GON4L: variants seen among roughly 807,000 people sequenced by gnomAD.
GON4L encodes gon-4 like.
GON4L carries 87 observed loss-of-function variants against 211.8 expected under a neutral mutation model. That is an observed-to-expected ratio of 0.41 (90% CI 0.35 to 0.49). The LOEUF (loss-of-function observed/expected upper bound fraction) is 0.49. GON4L is among the 20% of genes least tolerant of loss of function. The pLI, the probability that GON4L is intolerant of heterozygous loss-of-function variation, is 0.15. For synonymous variants in GON4L, 875 were observed against 962.6 expected (o/e 0.91, Z 1.68); for missense variants, 2,155 against 2,659.5 (o/e 0.81, Z 4.17).
At chr1:155,777,318 C>T (rs1377954610) in intron 15 of GON4L, among the ~76,000 whole-genome samples, 4 of 152,166 alleles carry the variant, frequency 2.6e-5, no homozygotes, top group African/African-American at 7.2e-5. Context: ...CAGTGGCTCA[C>T]GCCTGTAATC....
chr1:155,796,396 G>A (rs1250185386), intron 11 of GON4L, among the ~76,000 whole-genome samples: 1 of 151,518 alleles, frequency 6.6e-6, no homozygotes, highest in Non-Finnish European at 1.5e-5. Context: ...TCCTGCCTCA[G>A]CCTACCAAGT....
intron 10 of GON4L, among the ~76,000 whole-genome samples, chr1:155,808,691 A>T (rs1456482154): frequency 6.6e-6 from 1 of 151,860 alleles, no homozygotes; most frequent in African/African-American, 2.4e-5. Flanking sequence ...CTGTAGCATG[A>T]TCACAGCTCA....
chr1:155,827,165 T>C (rs1669288959), intron 2 of GON4L, 137 bp from the exon 3 acceptor site: 1 of 706,382 alleles, frequency 1.4e-6, no homozygotes, highest in Non-Finnish European at 2.5e-6. Flanking sequence ...AATTTTCCTC[T>C]CTTAAATCAA....
chr1:155,814,031 A>G (rs1201123729), intron 9 of GON4L, among the ~76,000 whole-genome samples: 2 of 152,228 alleles, frequency 1.3e-5, no homozygotes, highest in African/African-American at 4.8e-5. Context: ...GTTTACCAAA[A>G]TGTGGGAAAT....
At chr1:155,749,432 G>A (rs1182522978), downstream of GON4L, 57 of 1,591,944 alleles carry the variant, frequency 3.6e-5, no homozygotes, top group Non-Finnish European at 4.8e-5. Flanking sequence ...GAGTCATGAG[G>A]TCAGTGTAAC....
chr1:155,852,266 C>T (rs1260244327), intron 2 of GON4L, among the ~76,000 whole-genome samples: 1 of 151,896 alleles, frequency 6.6e-6, no homozygotes, highest in Non-Finnish European at 1.5e-5. Flanking sequence ...TGTTCTTGGC[C>T]TATGTGCCCA....
intron 1 of GON4L, among the ~76,000 whole-genome samples, chr1:155,856,312 C>T (rs115019830): frequency 0.011 from 1,723 of 152,236 alleles, 31 homozygotes; most frequent in African/African-American, 0.04. Context: ...ACTGCAGCCT[C>T]AGACTCCTGG....
chr1:155,752,165 T>C lies in GON4L; in HGVS notation c.6268A>G (p.Arg2090Gly), dbSNP rs751768922. The C allele has an allele frequency of 3.1e-6, 5 of 1,613,672 alleles. No individual in the cohort carries two copies. The Admixed American group carries it at 6.7e-5, about 22-fold the overall frequency. ...GGAGATTCATGGACAGGGCACGTCC[T>C]GTCTCTTGTCTTCACCCGAGCTCTG... ...SSRARVKTRD[R>G]TCPVHESPSG... The change falls in exon 30 of 32, where the codon AGG becomes GGG. Residue 2090 changes from arginine to glycine, a missense_variant. This residue lies in a region of GON4L where 186 missense variants were observed against 308.1 expected (regional missense o/e 0.60). Coordinates refer to ENST00000368331, the MANE Select transcript of GON4L (RefSeq NM_001282860.2).
chr1:155,780,463 C>T (rs995067676), intron 14 of GON4L, among the ~76,000 whole-genome samples: 3 of 151,876 alleles, frequency 2.0e-5, no homozygotes, highest in African/African-American at 7.3e-5. Flanking sequence ...CGTGGTGATG[C>T]GTGCCTGTAA....
intron 21 of GON4L, among the ~76,000 whole-genome samples, chr1:155,763,988 G>T (rs1662127151): frequency 6.9e-6 from 1 of 145,172 alleles, no homozygotes; most frequent in Admixed American, 7.1e-5. Context: ...GGGAGACAGA[G>T]TAAGACTCCA....
intron 21 of GON4L, among the ~76,000 whole-genome samples, chr1:155,764,033 A>C (rs867484762): frequency 6.6e-6 from 1 of 151,434 alleles, no homozygotes. Flanking sequence ...CAAAAAAAAA[A>C]CACAGAAAAA....
At chr1:155,806,861 G>A (rs1667174848) in intron 10 of GON4L, among the ~76,000 whole-genome samples, 1 of 152,082 alleles carries the variant, frequency 6.6e-6, no homozygotes, top group Non-Finnish European at 1.5e-5. Flanking sequence ...CCAACACTGT[G>A]GGAGGCCCAG....
At chr1:155,782,149 CCT>C (rs1474785170) in intron 14 of GON4L, among the ~76,000 whole-genome samples, 4 of 152,036 alleles carry the variant, frequency 2.6e-5, no homozygotes, top group African/African-American at 9.7e-5. Context: ...TCTTTTTTTT[CCT>C]CTCTCTTCTT....
At chr1:155,761,974 A>T (rs1358067567) in intron 23 of GON4L, among the ~76,000 whole-genome samples, 1 of 152,226 alleles carries the variant, frequency 6.6e-6, no homozygotes, top group Admixed American at 6.5e-5. Context: ...CAACAGAAGG[A>T]TGATGGCAGG....
At chr1:155,789,610 T>A (rs545105427) in intron 12 of GON4L, among the ~76,000 whole-genome samples, 11 of 144,836 alleles carry the variant, frequency 7.6e-5, no homozygotes, top group South Asian at 4.4e-4. Context: ...TGTCTGAATT[T>A]AAAAAAAAAA....
rs774988834 is a variant in GON4L at position 155,826,898 on chromosome 1, G to T, written c.636C>A (p.Leu212=). Residue 212 remains leucine, a synonymous_variant, in exon 3 of 32, where the codon CTC becomes CTA. Coordinates refer to ENST00000368331, the MANE Select transcript of GON4L (RefSeq NM_001282860.2). ...DVCASPQEKP[L]RTLFHQPEEE... ...CCTCAGGTTGGTGAAACAGAGTCCTGAGTGGCTTTTCTTGAGGAGAGGCAC... is the reference window on the plus strand; with the variant it reads ...CCTCAGGTTGGTGAAACAGAGTCCTTAGTGGCTTTTCTTGAGGAGAGGCAC... 8 of 1,613,632 alleles carry T rather than the reference G, an allele frequency of 5.0e-6. No individual in the cohort carries two copies. Among genetic ancestry groups the T allele is most frequent in the Middle Eastern group, 1.7e-4 (1 of 6,050 alleles).
chr1:155,829,398 G>C (rs1669534055), intron 2 of GON4L, among the ~76,000 whole-genome samples: 1 of 151,898 alleles, frequency 6.6e-6, no homozygotes, highest in Admixed American at 6.6e-5. Flanking sequence ...CTGAGCTCAG[G>C]AGTTTGAGAC....
intron 12 of GON4L, among the ~76,000 whole-genome samples, chr1:155,791,133 G>A (rs1665507659): frequency 6.6e-6 from 1 of 151,778 alleles, no homozygotes; most frequent in Non-Finnish European, 1.5e-5. Flanking sequence ...ATGGTGGCAG[G>A]CGCCTGTAAT....
intron 12 of GON4L, among the ~76,000 whole-genome samples, chr1:155,791,797 G>C (rs1571759191): frequency 1.3e-5 from 2 of 152,116 alleles, no homozygotes; most frequent in South Asian, 2.1e-4. Flanking sequence ...GAACCCAGGA[G>C]GCAGAGTTTG....
Sources: gnomAD v4.1 joint callset for allele counts (sites outside exome capture counted in the v4.1 genomes callset) on GRCh38, gnomAD v4.1.1 for gene constraint, gnomAD v4.1.1 regional missense constraint, MANE v1.5 for transcripts, NCBI Gene and HGNC (gene_info 2026-07-23, HGNC 2026-07-21) for gene names.